Variants in LRRC40 observed in about 807,000 individuals in gnomAD.
LRRC40 encodes leucine-rich repeat-containing protein 40.
In LRRC40, 76 loss-of-function variants were observed where a neutral mutation model predicts 72.8. That is an observed-to-expected ratio of 1.04 (90% CI 0.87 to 1.26). The LOEUF is 1.26. LRRC40 is among the 50% of genes most tolerant of loss of function. LRRC40 has a pLI of 0.00. For missense variants in LRRC40, 684 were observed against 698.9 expected (o/e 0.98, Z 0.24); for synonymous variants, 243 against 254.2 (o/e 0.96, Z 0.42).
chr1:70,161,960 T>C (rs923286640), intron 9 of LRRC40, among the ~76,000 whole-genome samples: 1 of 152,170 alleles, frequency 6.6e-6, no homozygotes, highest in Non-Finnish European at 1.5e-5. Flanking sequence ...GTTGAATGTA[T>C]TTTTATGGGA....
chr1:70,188,682 G>C (rs1294495610), intron 2 of LRRC40, among the ~76,000 whole-genome samples: 1 of 152,146 alleles, frequency 6.6e-6, no homozygotes. Context: ...GCTGCAGTGA[G>C]CCATGATCAC....
intron 9 of LRRC40, among the ~76,000 whole-genome samples, chr1:70,167,230 T>TAAAAAAA (rs376215808): frequency 1.6e-5 from 2 of 126,926 alleles, no homozygotes; most frequent in Non-Finnish European, 3.5e-5. Flanking sequence ...TAAAAAGTGT[T>TAAAAAAA]AAAAAAAAAA....
At chr1:70,174,632 C>A (rs1185477681) in intron 7 of LRRC40, among the ~76,000 whole-genome samples, 4 of 152,180 alleles carry the variant, frequency 2.6e-5, no homozygotes, top group South Asian at 2.1e-4. Context: ...ATACATACAA[C>A]CACATGAATC....
chr1:70,162,456 T>C (rs1442036296), intron 9 of LRRC40, among the ~76,000 whole-genome samples: 1 of 152,162 alleles, frequency 6.6e-6, no homozygotes, highest in Non-Finnish European at 1.5e-5. Flanking sequence ...CCCAAACCTA[T>C]GAATCATGAA....
chr1:70,146,041 T>G (rs1558104887), intron 14 of LRRC40, 136 bp from the exon 15 acceptor site: 2 of 541,504 alleles, frequency 3.7e-6, no homozygotes, highest in South Asian at 2.4e-5. Context: ...ATTTCTTTTT[T>G]TGAGACAGAG....
intron 12 of LRRC40, chr1:70,151,928 A>G (rs1430314675): frequency 6.6e-6 from 1 of 152,234 alleles, no homozygotes; most frequent in African/African-American, 2.4e-5. Context: ...TTACAAATAA[A>G]TATTTTTCTC....
At chr1:70,155,851 T>C (rs1052626370) in intron 10 of LRRC40, 55 bp from the exon 11 acceptor site, 3 of 683,436 alleles carry the variant, frequency 4.4e-6, no homozygotes, top group African/African-American at 3.6e-5. Flanking sequence ...CAAAAAGATA[T>C]GATTATTACT....
chr1:70,179,824 A>G (rs975787222), intron 5 of LRRC40, among the ~76,000 whole-genome samples: 1 of 152,178 alleles, frequency 6.6e-6, no homozygotes, highest in African/African-American at 2.4e-5. Flanking sequence ...CAAAATCTTA[A>G]CTATTGGTAT....
At chr1:70,175,341 G>A (rs900342865) in intron 7 of LRRC40, among the ~76,000 whole-genome samples, 10 of 152,108 alleles carry the variant, frequency 6.6e-5, no homozygotes, top group Non-Finnish European at 1.3e-4. Context: ...CTGTTTTAAA[G>A]AAAACAAAGA....
intron 1 of LRRC40, among the ~76,000 whole-genome samples, chr1:70,190,463 T>C (rs1668468510): frequency 6.6e-6 from 1 of 151,506 alleles, no homozygotes; most frequent in African/African-American, 2.4e-5. Flanking sequence ...GGAGGATCAC[T>C]TGAGGCCATG....
At chr1:70,167,230 T>TAAAAAAAAA (rs376215808) in intron 9 of LRRC40, among the ~76,000 whole-genome samples, 4 of 126,918 alleles carry the variant, frequency 3.2e-5, no homozygotes, top group Admixed American at 7.7e-5. Context: ...TAAAAAGTGT[T>TAAAAAAAAA]AAAAAAAAAA....
intron 9 of LRRC40, among the ~76,000 whole-genome samples, chr1:70,163,362 C>T (rs1040861417): frequency 6.6e-6 from 1 of 152,162 alleles, no homozygotes; most frequent in African/African-American, 2.4e-5. Context: ...GCTGGGATTA[C>T]AGTCGTAAGC....
chr1:70,184,735 A>G, intron 4 of LRRC40, 50 bp downstream of exon 4: 3 of 1,529,984 alleles, frequency 2.0e-6, no homozygotes, highest in Non-Finnish European at 2.6e-6. Flanking sequence ...AGCCTGATGA[A>G]AAATCCCACC....
chr1:70,194,116 A>C (rs1668559134), intron 1 of LRRC40, among the ~76,000 whole-genome samples: 1 of 152,104 alleles, frequency 6.6e-6, no homozygotes. Context: ...GAAATAAATA[A>C]AAGAAACAAA....
At chr1:70,188,387 A>C (rs1668414676) in intron 2 of LRRC40, among the ~76,000 whole-genome samples, 1 of 152,230 alleles carries the variant, frequency 6.6e-6, no homozygotes, top group Non-Finnish European at 1.5e-5. Flanking sequence ...GGTTGAAGGC[A>C]AGTAATACAT....
At chr1:70,205,351 T>C (rs564353849) in intron 1 of LRRC40, 39 bp downstream of exon 1, 17 of 1,514,332 alleles carry the variant, frequency 1.1e-5, no homozygotes, top group South Asian at 6.7e-5. Flanking sequence ...AAAGGCTTTC[T>C]GACAGGAGAC....
intron 10 of LRRC40, among the ~76,000 whole-genome samples, chr1:70,158,168 T>A (rs1385473240): frequency 2.8e-5 from 4 of 143,682 alleles, no homozygotes; most frequent in African/African-American, 7.9e-5. Context: ...CAAATGTAAG[T>A]ACAGAAGAGT....
intron 7 of LRRC40, among the ~76,000 whole-genome samples, chr1:70,174,383 G>A (rs528593889): frequency 9.9e-5 from 15 of 152,048 alleles, no homozygotes; most frequent in Non-Finnish European, 2.1e-4. Flanking sequence ...AGTCACTTTC[G>A]AAAGTGGAGT....
chr1:70,175,731 GTTT>G (rs551054422), intron 7 of LRRC40, 76 bp downstream of exon 7: 1 of 1,100,230 alleles, frequency 9.1e-7, no homozygotes, highest in African/African-American at 1.7e-5. Context: ...GAACCTCTTG[GTTT>G]TTTAACAAAT....
Sources: gnomAD v4.1 joint callset for allele counts (sites outside exome capture counted in the v4.1 genomes callset) on GRCh38, gnomAD v4.1.1 for gene constraint, MANE v1.5 for transcripts, NCBI Gene and HGNC (gene_info 2026-07-23, HGNC 2026-07-21) for gene names.